GPHN: variants seen among roughly 807,000 people sequenced by gnomAD.
The protein encoded by GPHN is gephyrin.
Under a neutral mutation model 95.5 loss-of-function variants are expected in GPHN, and 17 were observed. The ratio of observed to expected loss-of-function variants is 0.18; its 90% CI spans 0.12 to 0.27. The LOEUF (loss-of-function observed/expected upper bound fraction) is 0.27. Among genes scored for constraint, GPHN ranks in the 10% least tolerant of loss-of-function variants. The pLI is 1.00. For missense variants in GPHN, 660 were observed against 978.1 expected, an observed-to-expected ratio of 0.67 and a Z score of 4.34; for synonymous variants, 320 against 322.5, an observed-to-expected ratio of 0.99 and a Z score of 0.08.
chr14:67,561,689 G>A, the GPHN span, among the ~76,000 whole-genome samples: 5 of 152,020 alleles, frequency 3.3e-5, no homozygotes, highest in South Asian at 2.1e-4. Context: ...GCAACATAGC[G>A]AGAGCTTGTC....
the GPHN span, among the ~76,000 whole-genome samples, chr14:67,348,513 C>G: frequency 6.6e-6 from 1 of 150,376 alleles, no homozygotes; most frequent in Non-Finnish European, 1.5e-5. Context: ...TGGAACCTGA[C>G]TTCTTTATTT....
rs974317666 is a variant in GPHN at position 66,685,073 on chromosome 14, G to A, written c.143+3888G>A. On this transcript the variant is annotated intron_variant, in intron 2 of 22. Coordinates refer to ENST00000478722, the MANE Select transcript of GPHN (RefSeq NM_020806.5). ...CTTCATTCATGTCCCTACAAAGGAC[G>A]TGAACTCATCCTTTTTTATGGCTGC... is the stretch of plus-strand genomic sequence containing the variant. 3.3e-5 allele frequency among the ~76,000 whole-genome samples: 5 copies of A among 152,112 alleles called. No individual in the cohort carries two copies. The East Asian group carries it at 7.7e-4, about 23-fold the overall frequency.
At chr14:67,599,528 A>T in the GPHN span, among the ~76,000 whole-genome samples, 1 of 152,198 alleles carries the variant, frequency 6.6e-6, no homozygotes, top group African/African-American at 2.4e-5. Context: ...AGAGATTAGG[A>T]AGAACTATAA....
chr14:67,637,196 G>T, the GPHN span, among the ~76,000 whole-genome samples: 1 of 151,912 alleles, frequency 6.6e-6, no homozygotes, highest in Middle Eastern at 3.2e-3. Flanking sequence ...GATCACTTGA[G>T]GTCAGGAGTT....
chr14:66,552,316 A>G (rs369230574), intron 1 of GPHN, among the ~76,000 whole-genome samples: 10 of 152,298 alleles, frequency 6.6e-5, no homozygotes, highest in South Asian at 2.1e-4. Flanking sequence ...CTAATTTCCA[A>G]TGTAAGACCT....
the GPHN span, among the ~76,000 whole-genome samples, chr14:67,584,471 A>C: frequency 6.6e-6 from 1 of 152,240 alleles, no homozygotes; most frequent in Non-Finnish European, 1.5e-5. Context: ...CACTGGTTTG[A>C]CATGGCATAC....
At chr14:67,108,752 T>TGTGTGC (rs766958253) in intron 13 of GPHN, among the ~76,000 whole-genome samples, 15 of 149,766 alleles carry the variant, frequency 1.0e-4, no homozygotes, top group Non-Finnish European at 2.1e-4. Flanking sequence ...TGTGTGTGTG[T>TGTGTGC]GGTTTATTTT....
intron 18 of GPHN, among the ~76,000 whole-genome samples, chr14:67,152,167 A>G (rs2081320344): frequency 6.6e-6 from 1 of 152,234 alleles, no homozygotes; most frequent in African/African-American, 2.4e-5. Context: ...TGTTCATAGT[A>G]TGTATAACTT....
chr14:66,607,937 G>A (rs924960659), intron 1 of GPHN, among the ~76,000 whole-genome samples: 1 of 151,084 alleles, frequency 6.6e-6, no homozygotes, highest in Admixed American at 6.6e-5. Flanking sequence ...TTATTCTTCC[G>A]ATAAACCTAC....
rs2067315901 is a variant in GPHN at position 66,685,805 on chromosome 14, A to T, written c.143+4620A>T. Among the ~76,000 whole-genome samples the T allele has an allele frequency of 2.0e-5, 3 of 152,128 alleles. No individual in the cohort carries two copies. In the South Asian group the frequency reaches 6.2e-4, roughly 31 times the overall value. ...GTTGCCATTGCTTTTGGTGTTTTAG[A>T]CATGAAGTCCTTGCCCATGCCTATG... On this transcript the variant is annotated intron_variant, in intron 2 of 22. Transcript: ENST00000478722.
At chr14:67,226,020 G>A in the GPHN span, among the ~76,000 whole-genome samples, 6 of 151,624 alleles carry the variant, frequency 4.0e-5, no homozygotes, top group African/African-American at 1.5e-4. Flanking sequence ...TCACAGTATT[G>A]AAGGGGGGAG....
At chr14:67,029,694 G>T (rs951890494) in intron 10 of GPHN, among the ~76,000 whole-genome samples, 2 of 152,200 alleles carry the variant, frequency 1.3e-5, no homozygotes, top group African/African-American at 2.4e-5. Flanking sequence ...ATTTAGTGAA[G>T]ATACATTAAC....
intron 19 of GPHN, among the ~76,000 whole-genome samples, chr14:67,160,322 T>C (rs2081898675): frequency 6.6e-6 from 1 of 152,178 alleles, no homozygotes; most frequent in Non-Finnish European, 1.5e-5. Flanking sequence ...CTTGATTAAA[T>C]TCAGGTTTAA....
At chr14:67,576,308 T>G in the GPHN span, 1 of 724,150 alleles carries the variant, frequency 1.4e-6, no homozygotes, top group Non-Finnish European at 2.3e-6. The surrounding 1 kb of genome is among the most constrained non-coding windows in gnomAD (Gnocchi z 4.0). Flanking sequence ...CCACATGGGC[T>G]TGGTCCCTTC....
chr14:66,998,908 C>CAT lies in GPHN; in HGVS notation c.964-24713_964-24712dup, dbSNP rs35082959. 3.8e-3 allele frequency among the ~76,000 whole-genome samples: 549 copies of CAT among 145,304 alleles called. 1 individual carries two copies. The highest frequency in any genetic ancestry group is 6.6e-3 in the Non-Finnish European group (444 of 67,050). The stretch of plus-strand genomic sequence containing the variant: ...AAAAAAATATATATATATATATACA[C>CAT]ATATATATATATACACACAATTATT... On this transcript the variant is annotated intron_variant, in intron 9 of 22. Coordinates refer to ENST00000478722, the MANE Select transcript of GPHN (RefSeq NM_020806.5).
At chr14:67,523,948 A>G in the GPHN span, among the ~76,000 whole-genome samples, 3 of 152,242 alleles carry the variant, frequency 2.0e-5, 1 homozygote, top group South Asian at 6.2e-4. Context: ...TAGTGACACA[A>G]AGAGGGTTTC....
At chr14:67,557,463 T>C in the GPHN span, 1 of 1,582,552 alleles carries the variant, frequency 6.3e-7, no homozygotes. Flanking sequence ...CTTCGACATC[T>C]GTACTGCTGG....
chr14:66,728,493 C>T (rs988847068), intron 2 of GPHN, among the ~76,000 whole-genome samples: 3 of 152,202 alleles, frequency 2.0e-5, no homozygotes, highest in Non-Finnish European at 1.5e-5. Flanking sequence ...GCCACAGGGT[C>T]GGAGCTACCC....
intron 2 of GPHN, among the ~76,000 whole-genome samples, chr14:66,695,465 T>C (rs986671609): frequency 1.3e-5 from 2 of 152,196 alleles, no homozygotes; most frequent in Non-Finnish European, 2.9e-5. Flanking sequence ...TGGAGGACAG[T>C]TCAGTGGTTT....
Sources: allele counts gnomAD v4.1 joint callset (sites outside exome capture counted in the v4.1 genomes callset), GRCh38; gene constraint gnomAD v4.1.1; non-coding constraint Gnocchi (gnomAD v3.1); transcripts MANE v1.5; gene names NCBI Gene and HGNC (gene_info 2026-07-23, HGNC 2026-07-21).